The following EIF3B variants were observed in gnomAD, a reference collection of about 807,000 sequenced individuals.
EIF3B encodes the protein eukaryotic translation initiation factor 3 subunit 9.
A neutral mutation model predicts 104.6 loss-of-function variants in EIF3B; 10 were observed. The ratio of observed to expected loss-of-function variants is 0.10; its 90% CI spans 0.06 to 0.16. The LOEUF (loss-of-function observed/expected upper bound fraction) is 0.16. EIF3B is among the 10% of genes least tolerant of loss of function. The pLI, the probability that EIF3B is intolerant of heterozygous loss-of-function variation, is 1.00. For synonymous variants in EIF3B, 542 were observed against 417.2 expected (o/e 1.30, Z -3.65); for missense variants, 1,014 against 1,087.9 (o/e 0.93, Z 0.96).
chr7:2,359,633 C>G (rs1779629024), intron 1 of EIF3B, among the ~76,000 whole-genome samples: 1 of 152,174 alleles, frequency 6.6e-6, no homozygotes, highest in African/African-American at 2.4e-5. Context: ...TAATGGAACC[C>G]AAGAAGCGAG....
At chr7:2,354,230 A>G (rs1350860741), upstream of EIF3B, 4 of 152,306 alleles carry the variant, frequency 2.6e-5, no homozygotes, top group African/African-American at 4.8e-5. Context: ...ACATTTTTGT[A>G]TCGCGCCAGG....
rs1373313068 is a variant in EIF3B at position 2,364,537 on chromosome 7, G to C, written c.1157+8G>C. 1.2e-6 allele frequency: 2 copies of C among 1,609,794 alleles called. No homozygotes were observed. The highest frequency in any genetic ancestry group is 8.5e-7 in the Non-Finnish European group (1 of 1,178,608). Reference sequence around the variant, plus strand: ...CTTCTCACCTTGTGAAAGGTAAGCTGCTAGAAAAACACAGGGGAGTCTATG... The same window carrying C: ...CTTCTCACCTTGTGAAAGGTAAGCTCCTAGAAAAACACAGGGGAGTCTATG... On this transcript the variant is annotated splice_region_variant and intron_variant, in intron 6 of 18. Transcript: ENST00000360876.
At chr7:2,365,978 G>A (rs923609655) in intron 6 of EIF3B, among the ~76,000 whole-genome samples, 7 of 152,106 alleles carry the variant, frequency 4.6e-5, no homozygotes, top group Non-Finnish European at 7.4e-5. Flanking sequence ...GAGCCACTGC[G>A]CCCAGCCGTA....
chr7:2,367,825 ATTTTTTTTTTTTTTTTTTTTT>A (rs71026506), intron 9 of EIF3B, among the ~76,000 whole-genome samples: 3 of 60,296 alleles, frequency 5.0e-5, no homozygotes, highest in African/African-American at 1.7e-4. Context: ...TTTTTTTAAA[ATTTTTTTTTTTTTTTTTTTTT>A]TTTTTTTTTT....
rs561352569 is a variant in EIF3B at position 2,366,995 on chromosome 7, G to A, written c.1357-4G>A. ...CAACTGCAGCCTTCCTTTTTTTTGG[G>A]CAGTCTATGGGTCTTTTGGACAAGA... On this transcript the variant is annotated splice_polypyrimidine_tract_variant and splice_region_variant and intron_variant, in intron 8 of 18. Transcript: ENST00000360876. 20 of 1,609,640 alleles carry A rather than the reference G, an allele frequency of 1.2e-5. No individual in the cohort carries two copies. In the East Asian group the frequency reaches 1.6e-4, roughly 13 times the overall value.
At chr7:2,367,918 T>G (rs2115311165) in intron 9 of EIF3B, among the ~76,000 whole-genome samples, 1 of 134,192 alleles carries the variant, frequency 7.5e-6, no homozygotes, top group Non-Finnish European at 1.5e-5. Flanking sequence ...CTTGGCTCAC[T>G]GCAATTTCCA....
chr7:2,354,960 C>G lies in EIF3B; in HGVS notation c.39C>G (p.Ala13=), dbSNP rs896734031. The part of the protein sequence containing the change: ...DAENVAVPEA[A]EERAEPGQQQ... ...AGAACGTGGCGGTGCCCGAGGCGGC[C>G]GAGGAGCGCGCCGAGCCCGGCCAGC... The change falls in exon 1 of 19, where the codon GCC becomes GCG. Residue 13 remains alanine, a synonymous_variant. Coordinates refer to ENST00000360876, the MANE Select transcript of EIF3B (RefSeq NM_001037283.2). 1 of 1,215,960 alleles carries G rather than the reference C, an allele frequency of 8.2e-7. No homozygotes were observed. Among genetic ancestry groups the G allele is most frequent in the Non-Finnish European group, 1.0e-6 (1 of 971,864 alleles). 75.3% of individuals were successfully genotyped at this position (1,215,960 alleles called of 1,614,324 possible).
intron 13 of EIF3B, 75 bp from the exon 14 acceptor site, chr7:2,375,314 G>T: frequency 1.3e-6 from 2 of 1,589,724 alleles, no homozygotes; most frequent in Non-Finnish European, 8.6e-7. Context: ...ACCCCATGCC[G>T]CAGCACCTCT....
Position 2,378,999 on chromosome 7 carries a change from A to G in EIF3B, c.2233-135A>G, listed in dbSNP as rs1780846131. On this transcript the variant is annotated intron_variant, in intron 16 of 18. Coordinates refer to ENST00000360876, the MANE Select transcript of EIF3B (RefSeq NM_001037283.2). ...GGGCAGCGTTGGGGGAAAAGTGAGAATGAATGGACTAGCCATTCCTGCTTG... is the reference window on the plus strand; with the variant it reads ...GGGCAGCGTTGGGGGAAAAGTGAGAGTGAATGGACTAGCCATTCCTGCTTG... The G allele has an allele frequency of 1.2e-5, 10 of 803,864 alleles. No homozygotes were observed. In the East Asian group the frequency reaches 2.7e-4, roughly 22 times the overall value. The allele number at this position is 803,864 out of a possible 1,614,324, so 49.8% of individuals were successfully genotyped here.
In EIF3B at chr7:2,360,739, C is replaced by A; in HGVS notation, c.529C>A (p.Pro177Thr). Residue 177 changes from proline (P) to threonine (T), a missense_variant, in exon 2 of 19, where the codon CCC (proline) becomes ACC (threonine). This residue lies in a region of EIF3B where 488 missense variants were observed against 404.3 expected (regional missense o/e 1.21). Transcript: ENST00000360876. ...ACTGGGAGATGTACTCAAAGATCGGCCCCAGGAAGCAGATGGAATCGATTC... is the reference window on the plus strand; with the variant it reads ...ACTGGGAGATGTACTCAAAGATCGGACCCAGGAAGCAGATGGAATCGATTC... ...ELLGDVLKDR[P>T]QEADGIDSVI... The A allele has an allele frequency of 6.3e-7, 1 of 1,594,736 alleles. No individual in the cohort carries two copies. Among genetic ancestry groups the A allele is most frequent in the Non-Finnish European group, 8.6e-7 (1 of 1,164,360 alleles).
At chr7:2,359,843 T>C (rs1779638258) in intron 1 of EIF3B, among the ~76,000 whole-genome samples, 1 of 152,222 alleles carries the variant, frequency 6.6e-6, no homozygotes, top group Non-Finnish European at 1.5e-5. Flanking sequence ...GGAGAACTGC[T>C]TGATGCGACA....
chr7:2,370,122 A>ATTTATTTT (rs1217171024), intron 10 of EIF3B, among the ~76,000 whole-genome samples: 2 of 152,146 alleles, frequency 1.3e-5, no homozygotes, highest in African/African-American at 4.8e-5. Context: ...TATACTCAAG[A>ATTTATTTT]TTTATTTTTT....
intron 9 of EIF3B, among the ~76,000 whole-genome samples, chr7:2,367,533 G>C (rs1321221424): frequency 6.6e-6 from 1 of 152,134 alleles, no homozygotes; most frequent in Admixed American, 6.5e-5. Context: ...GCAGTGATAC[G>C]ATCTTGGCTC....
chr7:2,366,251 C>A, intron 6 of EIF3B, 66 bp from the exon 7 acceptor site: 1 of 1,499,932 alleles, frequency 6.7e-7, no homozygotes, highest in South Asian at 1.3e-5. Context: ...GTGTTCTGGC[C>A]GCACAGACAG....
chr7:2,369,359 G>T, intron 9 of EIF3B, 113 bp from the exon 10 acceptor site: 1 of 1,151,758 alleles, frequency 8.7e-7, no homozygotes, highest in African/African-American at 1.5e-5. Context: ...CTCAGCGTCA[G>T]CTGTGACAGC....
At position 2,367,114 on chromosome 7, in the gene EIF3B, A is replaced by AC. The variant is rs1471736191; in HGVS notation, c.1403+69_1403+70insC. The AC allele has an allele frequency of 6.4e-5, 89 of 1,397,342 alleles. No individual in the cohort carries two copies. In the African/African-American group the frequency reaches 1.1e-3, roughly 17 times the overall value. The allele number at this position is 1,397,342 out of a possible 1,614,324, so 86.6% of individuals were successfully genotyped here. ...CTTAACACAATACCAAAAAAAAAAA[A>AC]AAAAACACAATACCATAGGCTGGGT... On this transcript the variant is annotated intron_variant, in intron 9 of 18. Transcript: ENST00000360876.
intron 6 of EIF3B, among the ~76,000 whole-genome samples, chr7:2,365,842 A>T (rs1333000331): frequency 1.3e-5 from 2 of 151,714 alleles, no homozygotes; most frequent in Non-Finnish European, 2.9e-5. Flanking sequence ...CGCCCGGCTA[A>T]TTTTTGTATT....
Position 2,355,374 on chromosome 7 carries a change from C to G in EIF3B, c.453C>G (p.Pro151=). Residue 151 remains proline, a synonymous_variant, in exon 1 of 19, where the codon CCC becomes CCG. Coordinates refer to ENST00000360876, the MANE Select transcript of EIF3B (RefSeq NM_001037283.2). ...TGGAGAACGGCGACGCGGACGAGCC[C>G]TCCTTCAGCGACCCCGAGGACTTCG... ...RALENGDADE[P]SFSDPEDFVD... 1.3e-6 allele frequency: 2 copies of G among 1,532,956 alleles called. No homozygotes were observed. The highest frequency in any genetic ancestry group is 1.7e-6 in the Non-Finnish European group (2 of 1,145,700). The allele number at this position is 1,532,956 out of a possible 1,614,324, so 95.0% of individuals were successfully genotyped here. A position where few individuals can be genotyped will look rare whatever the true frequency, so the allele number is the denominator to read the frequency against.
At chr7:2,378,818 C>A in intron 16 of EIF3B, 52 bp downstream of exon 16, 1 of 1,514,616 alleles carries the variant, frequency 6.6e-7, no homozygotes, top group Non-Finnish European at 9.1e-7. Flanking sequence ...GCCATCATGG[C>A]AAAGGCGGGG....
Sources: allele counts gnomAD v4.1 joint callset (sites outside exome capture counted in the v4.1 genomes callset), GRCh38; gene constraint gnomAD v4.1.1; regional missense constraint gnomAD v4.1.1; transcripts MANE v1.5; gene names NCBI Gene and HGNC (gene_info 2026-07-23, HGNC 2026-07-21).